The following TNPO2 variants were observed in gnomAD, a reference collection of about 807,000 sequenced individuals.
TNPO2 encodes the protein transportin-2.
TNPO2 carries 16 observed loss-of-function variants against 111.1 expected under a neutral mutation model. That is an observed-to-expected ratio of 0.14 (90% CI 0.10 to 0.22). The LOEUF (loss-of-function observed/expected upper bound fraction) is 0.22, where lower values mean the gene tolerates loss of function less well. Among genes scored for constraint, TNPO2 ranks in the 10% least tolerant of loss-of-function variants. The pLI is 1.00. For missense variants in TNPO2, 530 were observed against 1,173.7 expected (o/e 0.45, Z 8.01); for synonymous variants, 481 against 475.8 (o/e 1.01, Z -0.14).
At chr19:12,703,191 AC>A in intron 20 of TNPO2, 1 of 592,156 alleles carries the variant, frequency 1.7e-6, no homozygotes, top group East Asian at 2.8e-5. Context: ...AGCCAAAGTC[AC>A]CCAACCAATC....
rs1161544424 is a variant in TNPO2, at chr19:12,721,111, G to A, written c.-13-121C>T. ...GGAACGCCCTCGGCGGACAGGCGGA[G>A]GCCTCCGATCCACGCCCGCCCAAGT... On this transcript the variant is annotated intron_variant, in intron 2 of 25. Coordinates refer to ENST00000425528, the MANE Select transcript of TNPO2 (RefSeq NM_001382241.1). The surrounding 1 kb of genome is among the most constrained non-coding windows in gnomAD (Gnocchi z 4.9). 10 of 1,521,754 alleles carry A rather than the reference G, an allele frequency of 6.6e-6. No homozygotes were observed. Among genetic ancestry groups the A allele is most frequent in the African/African-American group, 2.8e-5 (2 of 71,748 alleles). The allele number at this position is 1,521,754 out of a possible 1,614,324, so 94.3% of individuals were successfully genotyped here.
rs2026292848 is a variant in TNPO2, at chr19:12,715,147, T to G, written c.671A>C (p.Asp224Ala). The G allele has an allele frequency of 6.2e-7, 1 of 1,606,422 alleles. No homozygotes were observed. Among genetic ancestry groups the G allele is most frequent in the South Asian group, 1.1e-5 (1 of 90,448 alleles). The stretch of plus-strand genomic sequence containing the variant: ...ATTCTTCCGCACCTCGGGGTCATCA[T>G]CCACAGCCAGGGCAAATAGGTGCTG... ...FIEHLFALAVDDDPEVRKNVC... is the reference protein window; with the variant it reads ...FIEHLFALAVADDPEVRKNVC... The change falls in exon 9 of 26, where the codon GAT becomes GCT. Residue 224 changes from aspartate (D) to alanine (A), a missense_variant. Asp to Ala is a moderately radical substitution (Grantham distance 126). Around this residue, in one of 4 missense-constraint regions of TNPO2, gnomAD observed 156 missense variants for 405.8 expected, o/e 0.38. Coordinates refer to ENST00000425528, the MANE Select transcript of TNPO2 (RefSeq NM_001382241.1). This position sits in a 1 kb window ranked among gnomAD's most constrained non-coding sequence, Gnocchi z 7.1.
At position 12,715,821 on chromosome 19, in the gene TNPO2, G is replaced by A. The variant is rs1456595411; in HGVS notation, c.326-82C>T. ...CCCCCTCCCACTGGACACCCCCAGT[G>A]CTGCCTTTCTGTTCCCTAGCCCATG... On this transcript the variant is annotated intron_variant, in intron 5 of 25. Transcript: ENST00000425528. The surrounding 1 kb of genome is among the most constrained non-coding windows in gnomAD (Gnocchi z 7.1). The A allele has an allele frequency of 5.2e-6, 6 of 1,144,768 alleles. No homozygotes were observed. Among genetic ancestry groups the A allele is most frequent in the Non-Finnish European group, 6.3e-6 (5 of 793,490 alleles). 70.9% of individuals were successfully genotyped at this position (1,144,768 alleles called of 1,614,324 possible).
intron 5 of TNPO2, among the ~76,000 whole-genome samples, chr19:12,718,608 T>C (rs761968401): frequency 1.1e-4 from 16 of 152,334 alleles, no homozygotes; most frequent in Non-Finnish European, 1.6e-4. Flanking sequence ...TAGTCATCTT[T>C]CTGTAACTTC....
At chr19:12,707,862 C>T (rs960362941) in intron 13 of TNPO2, among the ~76,000 whole-genome samples, 6 of 151,710 alleles carry the variant, frequency 4.0e-5, no homozygotes, top group Non-Finnish European at 7.4e-5. Context: ...GCTCTGTTGC[C>T]CAAGCTGAAG....
In TNPO2 at chr19:12,715,659, T is replaced by C; in HGVS notation, c.406A>G (p.Asn136Asp). 1 of 1,613,754 alleles carries C rather than the reference T, an allele frequency of 6.2e-7. No homozygotes were observed. Among genetic ancestry groups the C allele is most frequent in the Non-Finnish European group, 8.5e-7 (1 of 1,179,818 alleles). The change falls in exon 6 of 26, where the codon AAC becomes GAC. Residue 136 changes from asparagine to aspartate, a missense_variant. Physicochemically the swap from Asn to Asp is conservative, Grantham distance 23 (BLOSUM62 1). Transcript: ENST00000425528. The surrounding 1 kb of genome is among the most constrained non-coding windows in gnomAD (Gnocchi z 7.1). Reference protein sequence around the residue: ...ELLPQLCNLLNSEDYNTCEGA... With the variant: ...ELLPQLCNLLDSEDYNTCEGA... The stretch of plus-strand genomic sequence containing the variant: ...TCACAAGTGTTGTAATCCTCCGAGT[T>C]AAGCAGGTTGCAGAGCTGGGGCAGC...
rs1348089428 is a variant in TNPO2 at position 12,700,587 on chromosome 19, T to A, written c.*677A>T. On this transcript the variant is annotated 3_prime_UTR_variant, in exon 26 of 26. Transcript: ENST00000425528. ...GAGTGGGTCCCAAGCATGTGCGTGC[T>A]GACAGGGCGACTCCCAAGGTCACCA... 6.6e-6 allele frequency: 1 copy of A among 152,228 alleles called. No homozygotes were observed. The highest frequency in any genetic ancestry group is 1.5e-5 in the Non-Finnish European group (1 of 68,080). The allele number at this position is 152,228 out of a possible 1,614,324, so 9.4% of individuals were successfully genotyped here. A position where few individuals can be genotyped will look rare whatever the true frequency, so the allele number is the denominator to read the frequency against.
At chr19:12,707,030 GCT>G (rs1193615122) in intron 13 of TNPO2, among the ~76,000 whole-genome samples, 1 of 151,988 alleles carries the variant, frequency 6.6e-6, no homozygotes, top group Non-Finnish European at 1.5e-5. Context: ...GCAGAGTCTC[GCT>G]CTGTCGCCCA....
intron 10 of TNPO2, among the ~76,000 whole-genome samples, chr19:12,714,365 T>C (rs1020770572): frequency 6.7e-6 from 1 of 149,848 alleles, no homozygotes; most frequent in African/African-American, 2.5e-5. Context: ...CAGGCTGGAG[T>C]GCAGTGGCAC....
chr19:12,713,832 A>G (rs1158177298), intron 10 of TNPO2, among the ~76,000 whole-genome samples: 3 of 152,182 alleles, frequency 2.0e-5, no homozygotes, highest in African/African-American at 7.2e-5. Context: ...ATCCGAGACC[A>G]GCCAGAGCAA....
chr19:12,702,457 T>C lies in TNPO2; in HGVS notation c.2306-280A>G, dbSNP rs1309047524. Reference sequence around the variant, plus strand: ...TTGCCCAGGCTGGAGTGCAGTGGCATGATCTTGGCTCATTGCAACCTGCCT... The same window carrying C: ...TTGCCCAGGCTGGAGTGCAGTGGCACGATCTTGGCTCATTGCAACCTGCCT... On this transcript the variant is annotated intron_variant, in intron 21 of 25. Coordinates refer to ENST00000425528, the MANE Select transcript of TNPO2 (RefSeq NM_001382241.1). The surrounding 1 kb of genome is among the most constrained non-coding windows in gnomAD (Gnocchi z 5.5). The C allele has an allele frequency of 1.3e-5, 8 of 600,012 alleles. No individual in the cohort carries two copies. The highest frequency in any genetic ancestry group is 1.8e-5 in the Non-Finnish European group (6 of 327,646). 37.2% of individuals were successfully genotyped at this position (600,012 alleles called of 1,614,324 possible). A position where few individuals can be genotyped will look rare whatever the true frequency, so the allele number is the denominator to read the frequency against.
At position 12,715,265 on chromosome 19, in the gene TNPO2, T is replaced by C; in HGVS notation, c.626A>G (p.Asp209Gly). 6.2e-7 allele frequency: 1 copy of C among 1,613,480 alleles called. No homozygotes were observed. The change falls in exon 8 of 26, where the codon GAC becomes GGC. Residue 209 changes from aspartate (D) to glycine (G), a missense_variant. Transcript: ENST00000425528. The surrounding 1 kb of genome is among the most constrained non-coding windows in gnomAD (Gnocchi z 7.1). ...FIMDRAQALM[D>G]NIDTFIEHLF... ...CACCTCGATGAAGGTGTCAATATTG[T>C]CCATCAGCGCCTGGGCCCGGTCCAT...
rs998462839 is a variant in TNPO2 at position 12,710,690 on chromosome 19, C to T, written c.1201G>A (p.Gly401Ser). The change falls in exon 13 of 26, where the codon GGC becomes AGC. Residue 401 changes from glycine (G) to serine (S), a missense_variant. By Grantham distance (56) the Gly-to-Ser change is moderately conservative. This residue lies in a region of TNPO2 where 88 missense variants were observed against 130.2 expected (regional missense o/e 0.68). Transcript: ENST00000425528. ...ACCCACTCGGGGTGGAAGAGGAGGC[C>T]TTTGAGTAGTGGGAGTAGGTGGGGC... is the stretch of plus-strand genomic sequence containing the variant. ...LLPHLLPLLKGLLFHPEWVVK... is the reference protein window; with the variant it reads ...LLPHLLPLLKSLLFHPEWVVK... The T allele has an allele frequency of 6.2e-7, 1 of 1,613,530 alleles. No individual in the cohort carries two copies. Among genetic ancestry groups the T allele is most frequent in the Non-Finnish European group, 8.5e-7 (1 of 1,179,744 alleles).
chr19:12,715,605 C>T lies in TNPO2; in HGVS notation c.432+28G>A. ...GGTGGTCCCAGCCCCCCAGTACTCG[C>T]TCTGGCCATCCATGGCTTCTTGCCT... On this transcript the variant is annotated intron_variant, in intron 6 of 25. Transcript: ENST00000425528. This position sits in a 1 kb window ranked among gnomAD's most constrained non-coding sequence, Gnocchi z 7.1. 1 of 1,613,748 alleles carries T rather than the reference C, an allele frequency of 6.2e-7. No homozygotes were observed. The highest frequency in any genetic ancestry group is 8.5e-7 in the Non-Finnish European group (1 of 1,179,764).
At position 12,710,782 on chromosome 19, in the gene TNPO2, G is replaced by A. The variant is rs770717006; in HGVS notation, c.1118-9C>T. 4 of 1,603,970 alleles carry A rather than the reference G, an allele frequency of 2.5e-6. No individual in the cohort carries two copies. Among genetic ancestry groups the A allele is most frequent in the East Asian group, 2.3e-5 (1 of 44,126 alleles). On this transcript the variant is annotated splice_polypyrimidine_tract_variant and intron_variant, in intron 12 of 25. Coordinates refer to ENST00000425528, the MANE Select transcript of TNPO2 (RefSeq NM_001382241.1). ...AGCCGCTGAGCACTTCCCTGGGGAAGGGGGAACAATGGGGAGGCTCAGGGC... is the reference window on the plus strand; with the variant it reads ...AGCCGCTGAGCACTTCCCTGGGGAAAGGGGAACAATGGGGAGGCTCAGGGC...
chr19:12,712,902 G>A (rs1403315475), intron 10 of TNPO2, among the ~76,000 whole-genome samples: 1 of 152,144 alleles, frequency 6.6e-6, no homozygotes, highest in Non-Finnish European at 1.5e-5. Flanking sequence ...ACCCTGTGGG[G>A]CTGGTCCCTA....
chr19:12,708,049 T>C (rs1394162117), intron 13 of TNPO2, among the ~76,000 whole-genome samples: 1 of 152,208 alleles, frequency 6.6e-6, no homozygotes, highest in African/African-American at 2.4e-5. Flanking sequence ...CTCGAACTCC[T>C]GACCTCAGTT....
At position 12,701,565 on chromosome 19, in the gene TNPO2, C is replaced by T. The variant is rs369518229; in HGVS notation, c.2586+33G>A. 2.9e-5 allele frequency: 46 copies of T among 1,612,138 alleles called. 1 individual carries two copies. The Admixed American group carries it at 3.3e-4, about 12-fold the overall frequency. On this transcript the variant is annotated intron_variant, in intron 24 of 25. Coordinates refer to ENST00000425528, the MANE Select transcript of TNPO2 (RefSeq NM_001382241.1). The surrounding 1 kb of genome is among the most constrained non-coding windows in gnomAD (Gnocchi z 5.0). ...AGATGGTCTCACCCCTGCCTGCTCC[C>T]GGAACTAGATCAGGGCCCAGACAGA...
chr19:12,721,536 C>G lies in TNPO2; in HGVS notation c.-13-546G>C, dbSNP rs1409651651. 2.8e-6 allele frequency: 1 copy of G among 352,094 alleles called. No individual in the cohort carries two copies. Among genetic ancestry groups the G allele is most frequent in the Non-Finnish European group, 5.5e-6 (1 of 182,564 alleles). 21.8% of individuals were successfully genotyped at this position (352,094 alleles called of 1,614,324 possible). On this transcript the variant is annotated intron_variant, in intron 2 of 25. Transcript: ENST00000425528. The surrounding 1 kb of genome is among the most constrained non-coding windows in gnomAD (Gnocchi z 4.9). ...ATTTCTGAGCTTCCCCAGATGCGCC[C>G]TCCCAAGACGATCGTCCTGATCTCT...
Sources: allele counts gnomAD v4.1 joint callset (sites outside exome capture counted in the v4.1 genomes callset), GRCh38; gene constraint gnomAD v4.1.1; regional missense constraint gnomAD v4.1.1; non-coding constraint Gnocchi (gnomAD v3.1); transcripts MANE v1.5; gene names NCBI Gene and HGNC (gene_info 2026-07-23, HGNC 2026-07-21).